GRID2: variants seen among roughly 807,000 people sequenced by gnomAD.
The protein encoded by GRID2 is glutamate receptor ionotropic, delta-2.
GRID2 carries 33 observed loss-of-function variants against 114.8 expected under a neutral mutation model. The ratio of observed to expected loss-of-function variants is 0.29; its 90% confidence interval spans 0.22 to 0.38. The LOEUF (loss-of-function observed/expected upper bound fraction) is 0.38, where lower values mean the gene tolerates loss of function less well. Ranked by LOEUF, GRID2 falls within the 10% of genes least tolerant of loss-of-function variation. GRID2 has a pLI of 1.00. For synonymous variants in GRID2, 505 were observed against 449.9 expected, an observed-to-expected ratio of 1.12 and a Z score of -1.55; for missense variants, 1,184 against 1,257.7, an observed-to-expected ratio of 0.94 and a Z score of 0.89.
At chr4:92,990,926 T>C (rs1754863130) in intron 2 of GRID2, among the ~76,000 whole-genome samples, 1 of 152,170 alleles carries the variant, frequency 6.6e-6, no homozygotes, top group African/African-American at 2.4e-5. Context: ...CATATTGTAG[T>C]ATTGTTACTA....
At chr4:93,685,664 G>A (rs1726009237) in intron 14 of GRID2, among the ~76,000 whole-genome samples, 1 of 151,916 alleles carries the variant, frequency 6.6e-6, no homozygotes, top group Non-Finnish European at 1.5e-5. Context: ...CTCCCTTCAT[G>A]GATTTAGATT....
intron 13 of GRID2, among the ~76,000 whole-genome samples, chr4:93,592,337 G>A (rs1010674041): frequency 6.6e-6 from 1 of 152,132 alleles, no homozygotes; most frequent in African/African-American, 2.4e-5. Flanking sequence ...TCAGGAGGAG[G>A]TTGTTCAGTT....
At chr4:92,597,112 A>G (rs970725039) in intron 2 of GRID2, among the ~76,000 whole-genome samples, 1 of 151,548 alleles carries the variant, frequency 6.6e-6, no homozygotes, top group Non-Finnish European at 1.5e-5. Flanking sequence ...TTTTATTTTT[A>G]TTTGTTTAAT....
chr4:93,443,951 G>C (rs963177164), intron 10 of GRID2, among the ~76,000 whole-genome samples: 5 of 151,912 alleles, frequency 3.3e-5, no homozygotes, highest in African/African-American at 1.2e-4. Context: ...GAAAATGACT[G>C]TGGGCAAAGC....
At chr4:92,676,156 GCCC>G (rs70942924) in intron 2 of GRID2, among the ~76,000 whole-genome samples, 1,990 of 25,078 alleles carry the variant, frequency 0.079, 117 homozygotes, top group South Asian at 0.25. Flanking sequence ...GTCGTGTCAA[GCCC>G]CCCCCCCCCC....
chr4:93,734,675 A>G (rs984324395), intron 14 of GRID2, among the ~76,000 whole-genome samples: 1 of 151,984 alleles, frequency 6.6e-6, no homozygotes, highest in South Asian at 2.1e-4. Context: ...GCCTGATATT[A>G]CTTATCTTAG....
At chr4:92,391,501 A>G (rs975329806) in intron 1 of GRID2, among the ~76,000 whole-genome samples, 1 of 152,172 alleles carries the variant, frequency 6.6e-6, no homozygotes, top group Non-Finnish European at 1.5e-5. Context: ...TTCATACTGT[A>G]TATCATGAAA....
intron 13 of GRID2, among the ~76,000 whole-genome samples, chr4:93,578,592 T>TG (rs1260248738): frequency 8.0e-6 from 1 of 124,258 alleles, no homozygotes; most frequent in African/African-American, 3.5e-5. Flanking sequence ...TTTGTATTTT[T>TG]TTTTTTTTTT....
intron 14 of GRID2, among the ~76,000 whole-genome samples, chr4:93,630,358 A>G (rs1014574992): frequency 2.6e-5 from 4 of 152,198 alleles, no homozygotes; most frequent in Non-Finnish European, 5.9e-5. Flanking sequence ...GCATTCAAGA[A>G]TGAAGAAAAC....
intron 2 of GRID2, among the ~76,000 whole-genome samples, chr4:92,758,499 A>G (rs1423204801): frequency 6.6e-6 from 1 of 152,100 alleles, no homozygotes; most frequent in Non-Finnish European, 1.5e-5. Context: ...AGGCCTGACT[A>G]CAACAGGTTA....
chr4:92,634,747 CTTTTT>C (rs3077529), intron 2 of GRID2, among the ~76,000 whole-genome samples: 1 of 121,202 alleles, frequency 8.3e-6, no homozygotes, highest in Non-Finnish European at 1.7e-5. Context: ...TTTTTTTTTT[CTTTTT>C]TTTTTTTTTT....
chr4:92,601,152 G>A (rs1406074744), intron 2 of GRID2, among the ~76,000 whole-genome samples: 1 of 152,226 alleles, frequency 6.6e-6, no homozygotes, highest in Non-Finnish European at 1.5e-5. Context: ...TAAAGAGGCA[G>A]TCTAGACAGG....
At chr4:92,896,770 T>G (rs1747194325) in intron 2 of GRID2, among the ~76,000 whole-genome samples, 1 of 151,992 alleles carries the variant, frequency 6.6e-6, no homozygotes, top group African/African-American at 2.4e-5. Context: ...TGAGACGGAG[T>G]CTCGCTCTGT....
At chr4:92,762,864 T>C (rs1394888606) in intron 2 of GRID2, among the ~76,000 whole-genome samples, 4 of 152,234 alleles carry the variant, frequency 2.6e-5, no homozygotes, top group Admixed American at 2.6e-4. Context: ...TCCAGGATGC[T>C]ACTCTTCTCT....
chr4:93,568,732 G>T (rs1198946272), intron 13 of GRID2, among the ~76,000 whole-genome samples: 2 of 152,070 alleles, frequency 1.3e-5, no homozygotes, highest in Admixed American at 6.6e-5. Flanking sequence ...ATATATCTGT[G>T]CTTCACAATT....
intron 10 of GRID2, among the ~76,000 whole-genome samples, chr4:93,438,301 C>G (rs762234043): frequency 6.6e-6 from 1 of 151,988 alleles, no homozygotes; most frequent in Non-Finnish European, 1.5e-5. Flanking sequence ...ACCCAGGGGC[C>G]GAATGGCAGC....
intron 8 of GRID2, among the ~76,000 whole-genome samples, chr4:93,264,972 G>A (rs1002072066): frequency 4.0e-5 from 6 of 151,360 alleles, no homozygotes; most frequent in African/African-American, 7.3e-5. Flanking sequence ...TAGTAGAGAC[G>A]GGGTTTCACC....
chr4:93,275,024 C>T (rs544638793), intron 8 of GRID2, among the ~76,000 whole-genome samples: 5 of 152,040 alleles, frequency 3.3e-5, no homozygotes, highest in Admixed American at 2.0e-4. Context: ...AGGATATTTT[C>T]ATCACTCTAA....
At chr4:92,762,055 A>C (rs1738038650) in intron 2 of GRID2, among the ~76,000 whole-genome samples, 1 of 151,962 alleles carries the variant, frequency 6.6e-6, no homozygotes, top group South Asian at 2.1e-4. Flanking sequence ...CAGCCTCCTG[A>C]GGGCATGTAC....
Sources: allele counts gnomAD v4.1 joint callset (sites outside exome capture counted in the v4.1 genomes callset), GRCh38; gene constraint gnomAD v4.1.1; transcripts MANE v1.5; gene names NCBI Gene and HGNC (gene_info 2026-07-23, HGNC 2026-07-21).